The following COL26A1 variants were observed in gnomAD, a reference collection of about 807,000 sequenced individuals.
The protein encoded by COL26A1 is collagen alpha-1(XXVI) chain.
COL26A1 carries 41 observed loss-of-function variants against 59.3 expected under a neutral mutation model. That is an observed-to-expected ratio of 0.69 (90% CI 0.54 to 0.90). COL26A1 has a LOEUF of 0.90. Ranked by LOEUF, COL26A1 falls within the 40% of genes least tolerant of loss-of-function variation. COL26A1 has a pLI of 0.00. For missense variants in COL26A1, 612 were observed against 602.3 expected (o/e 1.02, Z -0.17); for synonymous variants, 266 against 256.0 (o/e 1.04, Z -0.37).
chr7:101,556,681 G>C (rs1795982274), intron 12 of COL26A1, among the ~76,000 whole-genome samples: 1 of 151,412 alleles, frequency 6.6e-6, no homozygotes, highest in South Asian at 2.1e-4. Flanking sequence ...TGAGTGAACA[G>C]GTGGGTGGAT....
chr7:101,526,206 A>G (rs1795245550), intron 3 of COL26A1, among the ~76,000 whole-genome samples: 1 of 151,710 alleles, frequency 6.6e-6, no homozygotes, highest in Non-Finnish European at 1.5e-5. Context: ...CCGCCACCAC[A>G]TCCAGCTAAT....
intron 3 of COL26A1, among the ~76,000 whole-genome samples, chr7:101,472,677 C>T (rs1346109909): frequency 1.3e-5 from 2 of 152,318 alleles, no homozygotes; most frequent in Admixed American, 1.3e-4. Flanking sequence ...GGGATGAGGA[C>T]AGCCCTTCCC....
rs184659192 is a variant in COL26A1, at chr7:101,556,303, G to A, written c.1165+432G>A. ...CATGCTGGGGTTTCTGTGACCCTCT[G>A]GGAGTCCCTTGTGCAGAACAGTGAA... On this transcript the variant is annotated intron_variant, in intron 12 of 12. Transcript: ENST00000313669. Among the ~76,000 whole-genome samples the A allele has an allele frequency of 3.4e-3, 525 of 152,342 alleles. 3 individuals carry two copies. The highest frequency in any genetic ancestry group is 6.8e-3 in the Middle Eastern group (2 of 294).
At chr7:101,444,665 TC>T (rs1375768392) in intron 2 of COL26A1, among the ~76,000 whole-genome samples, 1 of 151,942 alleles carries the variant, frequency 6.6e-6, no homozygotes, top group African/African-American at 2.4e-5. Flanking sequence ...TCCGCCCACC[TC>T]GGCCTCCCAA....
intron 3 of COL26A1, among the ~76,000 whole-genome samples, chr7:101,467,362 G>T (rs73398924): frequency 2.1e-5 from 3 of 144,562 alleles, no homozygotes; most frequent in East Asian, 1.9e-4. Context: ...TGCACAGGGC[G>T]GGGGGAGGAT....
chr7:101,546,762 G>A (rs1481864013), intron 7 of COL26A1, among the ~76,000 whole-genome samples: 9 of 152,162 alleles, frequency 5.9e-5, no homozygotes, highest in Admixed American at 5.9e-4. Context: ...CCCAGGCACA[G>A]CTCAGAGGGG....
At chr7:101,435,932 G>A (rs1011243259) in intron 2 of COL26A1, among the ~76,000 whole-genome samples, 2 of 152,134 alleles carry the variant, frequency 1.3e-5, no homozygotes, top group African/African-American at 2.4e-5. Flanking sequence ...TGGTTGGGTC[G>A]CCTGCTGTTC....
At chr7:101,493,209 A>G (rs1395761707) in intron 3 of COL26A1, among the ~76,000 whole-genome samples, 1 of 152,048 alleles carries the variant, frequency 6.6e-6, no homozygotes, top group Non-Finnish European at 1.5e-5. Flanking sequence ...AGGACGGACC[A>G]GGCTGCCCAC....
chr7:101,393,005 TG>T (rs1239863695), intron 1 of COL26A1, among the ~76,000 whole-genome samples: 18 of 97,090 alleles, frequency 1.9e-4, no homozygotes, highest in Non-Finnish European at 3.0e-4. Context: ...AATGTTTTTT[TG>T]TTTTTTTTTT....
chr7:101,488,956 G>T (rs1485248725), intron 3 of COL26A1, among the ~76,000 whole-genome samples: 1 of 152,132 alleles, frequency 6.6e-6, no homozygotes, highest in Non-Finnish European at 1.5e-5. Context: ...TGTGTCCGGT[G>T]GAATGCAATT....
At chr7:101,437,420 GTTCTGAATGCTGGTGGAA>G (rs1466413326) in intron 2 of COL26A1, among the ~76,000 whole-genome samples, 1 of 149,780 alleles carries the variant, frequency 6.7e-6, no homozygotes, top group East Asian at 1.9e-4. Context: ...TGGGGGCGGA[GTTCTGAATGCTGGTGGAA>G]TTCTGAATCG....
chr7:101,475,876 C>CTCTCTCTT (rs1794029951), intron 3 of COL26A1, among the ~76,000 whole-genome samples: 1 of 132,630 alleles, frequency 7.5e-6, no homozygotes, highest in African/African-American at 2.7e-5. Flanking sequence ...CTCTTTCTTT[C>CTCTCTCTT]TCTTTCTCTC....
intron 12 of COL26A1, 44 bp downstream of exon 12, chr7:101,555,915 T>C (rs759181071): frequency 4.0e-6 from 6 of 1,498,262 alleles, no homozygotes; most frequent in South Asian, 2.4e-5. Flanking sequence ...CTCTCTCCCC[T>C]CCTTCCTCTC....
At position 101,466,228 on chromosome 7, in the gene COL26A1, C is replaced by T. The variant is rs190375036; in HGVS notation, c.385+18441C>T. On this transcript the variant is annotated intron_variant, in intron 3 of 12. Transcript: ENST00000313669. Reference sequence around the variant, plus strand: ...CGCTTCCTGTCTGAACCTCCATTTGCTCATCTATAAAGTGAGCACAGCGAT... The same window carrying T: ...CGCTTCCTGTCTGAACCTCCATTTGTTCATCTATAAAGTGAGCACAGCGAT... 2.0e-5 allele frequency among the ~76,000 whole-genome samples: 3 copies of T among 152,202 alleles called. No individual in the cohort carries two copies. In the East Asian group the frequency reaches 5.8e-4, roughly 29 times the overall value.
intron 1 of COL26A1, among the ~76,000 whole-genome samples, chr7:101,398,021 C>T (rs1421495102): frequency 6.6e-6 from 1 of 152,148 alleles, no homozygotes; most frequent in Non-Finnish European, 1.5e-5. Flanking sequence ...CTTTGCCTGT[C>T]CTTGAATGTC....
chr7:101,530,887 A>C (rs1413376335), intron 3 of COL26A1, among the ~76,000 whole-genome samples: 3 of 152,034 alleles, frequency 2.0e-5, no homozygotes, highest in Admixed American at 1.3e-4. Flanking sequence ...TGCATTGTTC[A>C]TCTGCCAAGA....
At chr7:101,467,466 T>G (rs564602361) in intron 3 of COL26A1, among the ~76,000 whole-genome samples, 23 of 151,572 alleles carry the variant, frequency 1.5e-4, no homozygotes, top group Admixed American at 3.9e-4. Context: ...TTGCATAGTG[T>G]GCGAAGAAGC....
At chr7:101,499,201 G>A (rs948591683) in intron 3 of COL26A1, among the ~76,000 whole-genome samples, 1 of 152,108 alleles carries the variant, frequency 6.6e-6, no homozygotes, top group Non-Finnish European at 1.5e-5. Context: ...TCGACCTTCT[G>A]CATCCTCCCA....
At chr7:101,520,660 A>C (rs971931697) in intron 3 of COL26A1, among the ~76,000 whole-genome samples, 1 of 141,622 alleles carries the variant, frequency 7.1e-6, no homozygotes, top group South Asian at 2.3e-4. Flanking sequence ...ACACACACAC[A>C]CACCCCCGTG....
Sources: allele counts gnomAD v4.1 joint callset (sites outside exome capture counted in the v4.1 genomes callset), GRCh38; gene constraint gnomAD v4.1.1; transcripts MANE v1.5; gene names NCBI Gene and HGNC (gene_info 2026-07-23, HGNC 2026-07-21).